The following TSHZ3 variants were observed in gnomAD, a reference collection of about 807,000 sequenced individuals.
The protein encoded by TSHZ3 is teashirt zinc finger homeobox 3, also known as teashirt homolog 3.
TSHZ3 carries 10 observed loss-of-function variants against 64.5 expected under a neutral mutation model. The observed-to-expected ratio is 0.16, with a 90% confidence interval of 0.10 to 0.26. The LOEUF is 0.26. Ranked by LOEUF, TSHZ3 falls within the 10% of genes least tolerant of loss-of-function variation. The pLI is 1.00. For missense variants in TSHZ3, 1,242 were observed against 1,421.7 expected (o/e 0.87, Z 2.03); for synonymous variants, 608 against 593.1 (o/e 1.03, Z -0.36).
intron 6 of TSHZ3, among the ~76,000 whole-genome samples, chr19:31,152,842 A>C (rs540135149): frequency 3.3e-4 from 51 of 152,318 alleles, no homozygotes; most frequent in African/African-American, 1.2e-3. Context: ...CACCATCACC[A>C]GACCCATGCC....
intron 1 of TSHZ3, among the ~76,000 whole-genome samples, chr19:31,341,882 T>C (rs758421687): frequency 3.9e-5 from 6 of 152,272 alleles, no homozygotes; most frequent in Non-Finnish European, 8.8e-5. Context: ...AAAACGGGCA[T>C]TAAGATTCCT....
chr19:31,163,486 C>G (rs1194456135), intron 5 of TSHZ3, among the ~76,000 whole-genome samples: 1 of 152,160 alleles, frequency 6.6e-6, no homozygotes, highest in Non-Finnish European at 1.5e-5. Flanking sequence ...AATCCCAGCA[C>G]TTTGGGAGGC....
intron 1 of TSHZ3, among the ~76,000 whole-genome samples, chr19:31,254,606 GC>G (rs2070097275): frequency 6.6e-6 from 1 of 152,206 alleles, no homozygotes; most frequent in South Asian, 2.1e-4. Flanking sequence ...ACCGTTCAAT[GC>G]GGCGGGTGAT....
chr19:31,158,977 C>T (rs188442199), intron 5 of TSHZ3, among the ~76,000 whole-genome samples: 1 of 152,116 alleles, frequency 6.6e-6, no homozygotes, highest in Non-Finnish European at 1.5e-5. Context: ...CTCGCTTTCT[C>T]TTATGCCTCC....
intron 1 of TSHZ3, among the ~76,000 whole-genome samples, chr19:31,338,819 T>TTTTC (rs918053976): frequency 7.4e-4 from 112 of 151,422 alleles, no homozygotes; most frequent in African/African-American, 1.7e-3. Context: ...TCCATCTTTT[T>TTTTC]TTTCTTTCTT....
intron 5 of TSHZ3, among the ~76,000 whole-genome samples, chr19:31,192,715 A>G (rs1016727953): frequency 7.9e-5 from 12 of 152,158 alleles, no homozygotes; most frequent in African/African-American, 2.7e-4. Context: ...CACTCCACTT[A>G]TCCTTTTTAC....
chr19:31,162,941 T>C (rs926810369), intron 5 of TSHZ3, among the ~76,000 whole-genome samples: 4 of 152,188 alleles, frequency 2.6e-5, no homozygotes, highest in African/African-American at 9.6e-5. Flanking sequence ...ACAGCTTTTA[T>C]GTGCCCCACT....
At chr19:31,173,994 GGA>G (rs1288673483) in intron 5 of TSHZ3, among the ~76,000 whole-genome samples, 2 of 152,232 alleles carry the variant, frequency 1.3e-5, no homozygotes, top group African/African-American at 4.8e-5. Context: ...CTTGAACCCA[GGA>G]GGTGGAGACT....
At chr19:31,303,700 A>G (rs999362876) in intron 1 of TSHZ3, among the ~76,000 whole-genome samples, 1 of 151,270 alleles carries the variant, frequency 6.6e-6, no homozygotes, top group Admixed American at 6.6e-5. Flanking sequence ...GATTTCTAAA[A>G]CCCCAAAGCC....
chr19:31,330,129 T>C (rs1917038597), intron 1 of TSHZ3, among the ~76,000 whole-genome samples: 1 of 152,198 alleles, frequency 6.6e-6, no homozygotes, highest in Non-Finnish European at 1.5e-5. Flanking sequence ...CCTTTTTTTT[T>C]TTTTAATTCA....
At chr19:31,208,135 G>A (rs542311960) in intron 4 of TSHZ3, among the ~76,000 whole-genome samples, 3 of 152,320 alleles carry the variant, frequency 2.0e-5, no homozygotes, top group African/African-American at 7.2e-5. Context: ...CCATCATATG[G>A]AGTTTTGGGG....
chr19:31,169,443 G>A (rs1397873014), intron 5 of TSHZ3, among the ~76,000 whole-genome samples: 1 of 152,202 alleles, frequency 6.6e-6, no homozygotes, highest in African/African-American at 2.4e-5. Context: ...GCACTCCCAA[G>A]GGCTGAGAAG....
intron 5 of TSHZ3, among the ~76,000 whole-genome samples, chr19:31,198,816 T>C (rs986958426): frequency 6.6e-6 from 1 of 152,158 alleles, no homozygotes; most frequent in Admixed American, 6.5e-5. Context: ...TATTCATGGA[T>C]AGAAAGATTT....
rs143192093 is a variant in TSHZ3, at chr19:31,278,098, G to T, written c.1695C>A (p.Gly565=). 1.3e-5 allele frequency: 21 copies of T among 1,614,184 alleles called. No homozygotes were observed. The African/African-American group carries it at 2.8e-4, about 22-fold the overall frequency. Reference sequence around the variant, plus strand: ...TCAGGGGCGTGCTCTTCCCCGACGAGCCCAGGGACAACTTCATCATGTTGG... The same window carrying T: ...TCAGGGGCGTGCTCTTCCCCGACGATCCCAGGGACAACTTCATCATGTTGG... ...QLPNMMKLSL[G]SSGKSTPLKP... The change falls in exon 2 of 2, where the codon GGC becomes GGA. Residue 565 remains glycine, a synonymous_variant. Transcript: ENST00000240587. This position sits in a 1 kb window ranked among gnomAD's most constrained non-coding sequence, Gnocchi z 4.7.
chr19:31,204,382 C>CCCTT lies in TSHZ3; in HGVS notation n.809+570_809+573dup, dbSNP rs145939695. ...TCCTCTCTTCTTCTTTCTTTCCCTTCCCTTCCTTCCTTGGTACCTCCATTC... is the reference window on the plus strand; with the variant it reads ...TCCTCTCTTCTTCTTTCTTTCCCTTCCCTTCCTTCCTTCCTTGGTACCTCCATTC... On this transcript the variant is annotated intron_variant and non_coding_transcript_variant, in intron 5 of 6. Transcript: ENST00000651361. Among the ~76,000 whole-genome samples the CCCTT allele has an allele frequency of 5.4e-3, 814 of 151,104 alleles. 20 individuals are homozygous for CCCTT. Among genetic ancestry groups the CCCTT allele is most frequent in the Admixed American group, 0.032 (489 of 15,154 alleles).
At chr19:31,194,185 G>C (rs1003625228) in intron 5 of TSHZ3, among the ~76,000 whole-genome samples, 1 of 152,206 alleles carries the variant, frequency 6.6e-6, no homozygotes, top group Non-Finnish European at 1.5e-5. Flanking sequence ...AAACCTGAGA[G>C]TTAAAAACTC....
chr19:31,203,538 G>A (rs987688518), intron 5 of TSHZ3, among the ~76,000 whole-genome samples: 2 of 152,126 alleles, frequency 1.3e-5, no homozygotes, highest in African/African-American at 4.8e-5. Context: ...CTTATGCTAG[G>A]AGCTGTTAGG....
intron 1 of TSHZ3, among the ~76,000 whole-genome samples, chr19:31,248,623 A>T (rs1456452051): frequency 6.6e-6 from 1 of 151,566 alleles, no homozygotes; most frequent in East Asian, 1.9e-4. Context: ...TTCTACCAAA[A>T]AAAAAAAAGT....
chr19:31,218,928 G>A (rs543039038), intron 4 of TSHZ3, among the ~76,000 whole-genome samples: 13 of 152,116 alleles, frequency 8.5e-5, no homozygotes, highest in Non-Finnish European at 1.8e-4. Flanking sequence ...ATTGTAATCC[G>A]GCAGCATTGC....
Sources: allele counts gnomAD v4.1 joint callset (sites outside exome capture counted in the v4.1 genomes callset), GRCh38; gene constraint gnomAD v4.1.1; non-coding constraint Gnocchi (gnomAD v3.1); transcripts MANE v1.5; gene names NCBI Gene and HGNC (gene_info 2026-07-23, HGNC 2026-07-21).